The following RBFOX1 variants were observed in gnomAD, a reference collection of about 807,000 sequenced individuals.
RBFOX1 encodes the protein RNA binding protein fox-1 homolog 1.
A neutral mutation model predicts 57.7 loss-of-function variants in RBFOX1; 8 were observed. The ratio of observed to expected loss-of-function variants is 0.14; its 90% CI spans 0.08 to 0.25. The LOEUF is 0.25. RBFOX1 is among the 10% of genes least tolerant of loss of function. The pLI, the probability that RBFOX1 is intolerant of heterozygous loss-of-function variation, is 1.00. For synonymous variants in RBFOX1, 326 were observed against 222.4 expected (o/e 1.47, Z -4.15); for missense variants, 611 against 548.5 (o/e 1.11, Z -1.14).
chr16:7,324,523 C>A (rs1169843736), intron 4 of RBFOX1, among the ~76,000 whole-genome samples: 1 of 152,178 alleles, frequency 6.6e-6, no homozygotes, highest in Non-Finnish European at 1.5e-5. Context: ...GTCATTCATC[C>A]CCAGACAGGT....
At chr16:7,347,624 C>T (rs907411754) in intron 4 of RBFOX1, among the ~76,000 whole-genome samples, 11 of 152,136 alleles carry the variant, frequency 7.2e-5, no homozygotes, top group African/African-American at 1.4e-4. Flanking sequence ...GATTGAAAAA[C>T]CCCACTCTAG....
intron 3 of RBFOX1, among the ~76,000 whole-genome samples, chr16:6,842,152 TAAAAAATA>T (rs1410096382): frequency 1.0e-4 from 13 of 129,082 alleles, no homozygotes; most frequent in African/African-American, 2.7e-4. Flanking sequence ...GAAAAAAAAA[TAAAAAATA>T]AATAAATAAA....
intron 3 of RBFOX1, among the ~76,000 whole-genome samples, chr16:5,813,268 AC>A (rs1219852682): frequency 6.6e-6 from 1 of 152,064 alleles, no homozygotes; most frequent in African/African-American, 2.4e-5. Flanking sequence ...GGCCTCCCAA[AC>A]CTTTAACCAT....
At chr16:7,170,939 T>C (rs374355494) in intron 4 of RBFOX1, among the ~76,000 whole-genome samples, 1 of 152,232 alleles carries the variant, frequency 6.6e-6, no homozygotes, top group East Asian at 1.9e-4. Flanking sequence ...TTTATGACTT[T>C]ATTTGTATAT....
At chr16:6,754,552 T>C (rs1364082875) in intron 3 of RBFOX1, among the ~76,000 whole-genome samples, 2 of 152,156 alleles carry the variant, frequency 1.3e-5, no homozygotes, top group Admixed American at 6.6e-5. Context: ...AATTCCCACA[T>C]AGAATTTCTC....
intron 4 of RBFOX1, among the ~76,000 whole-genome samples, chr16:7,203,666 T>A (rs555287701): frequency 2.0e-5 from 3 of 152,348 alleles, no homozygotes; most frequent in Admixed American, 2.0e-4. Context: ...AGGGTCCCTC[T>A]ATGTGTGAGC....
At chr16:6,859,153 GTATA>G (rs549747996) in intron 3 of RBFOX1, among the ~76,000 whole-genome samples, 1 of 81,454 alleles carries the variant, frequency 1.2e-5, no homozygotes, top group South Asian at 4.1e-4. Context: ...ATATATATAT[GTATA>G]TATATACGTA....
intron 2 of RBFOX1, among the ~76,000 whole-genome samples, chr16:6,560,265 A>C (rs1027598085): frequency 6.6e-6 from 1 of 152,078 alleles, no homozygotes; most frequent in African/African-American, 2.4e-5. Context: ...ATGCCTGAGC[A>C]AATTGTGTTA....
intron 3 of RBFOX1, among the ~76,000 whole-genome samples, chr16:6,923,149 T>G (rs1389084622): frequency 6.6e-6 from 1 of 152,120 alleles, no homozygotes; most frequent in Non-Finnish European, 1.5e-5. Flanking sequence ...GCTGGTCCAG[T>G]GTGAGTCTGA....
intron 4 of RBFOX1, among the ~76,000 whole-genome samples, chr16:5,930,202 A>AATGGATGGATGGATGG (rs56153541): frequency 8.9e-6 from 1 of 112,090 alleles, no homozygotes; most frequent in African/African-American, 3.5e-5. Context: ...AAGAAAGAAG[A>AATGGATGGATGGATGG]ATGGATGGAT....
chr16:7,325,772 C>T lies in RBFOX1; in HGVS notation c.28-192375C>T, dbSNP rs114312395. 6.5e-3 allele frequency among the ~76,000 whole-genome samples: 986 copies of T among 152,232 alleles called. 10 individuals are homozygous for T. In the Middle Eastern group the frequency reaches 0.071, roughly 11 times the overall value. ...GTGACTTGGGTGTCACATTGACAAC[C>T]CTTTTGTAGCCATCCTCTCCTTCAC... On this transcript the variant is annotated intron_variant, in intron 4 of 15. Coordinates refer to ENST00000550418, the MANE Select transcript of RBFOX1 (RefSeq NM_018723.4).
In RBFOX1 at chr16:5,947,165, G is replaced by A. The variant is rs754316430; in HGVS notation, c.351+79830G>A. On this transcript the variant is annotated intron_variant, in intron 4 of 19. Coordinates refer to the RBFOX1 transcript ENST00000641259. This position sits in a 1 kb window ranked among gnomAD's most constrained non-coding sequence, Gnocchi z 7.2. Reference sequence around the variant, plus strand: ...CAGGAGGTTGAGGTTGCAGCGAGCCGTGATTCTGCCACTGCTCTCCAGCCT... The same window carrying A: ...CAGGAGGTTGAGGTTGCAGCGAGCCATGATTCTGCCACTGCTCTCCAGCCT... Among the ~76,000 whole-genome samples, 31 of 152,132 alleles carry A rather than the reference G, an allele frequency of 2.0e-4. No individual in the cohort carries two copies. Among genetic ancestry groups the A allele is most frequent in the South Asian group, 2.1e-4 (1 of 4,826 alleles).
At chr16:6,487,739 AT>A (rs1567405769) in intron 2 of RBFOX1, among the ~76,000 whole-genome samples, 6 of 74,920 alleles carry the variant, frequency 8.0e-5, no homozygotes, top group African/African-American at 2.1e-4. Context: ...ATATATATAT[AT>A]ATATATATAT....
intron 1 of RBFOX1, among the ~76,000 whole-genome samples, chr16:5,349,058 C>G (rs1450656259): frequency 2.0e-5 from 3 of 152,192 alleles, no homozygotes; most frequent in African/African-American, 4.8e-5. Context: ...GCTCCAATTT[C>G]TCCACATGCT....
intron 1 of RBFOX1, among the ~76,000 whole-genome samples, chr16:6,214,071 A>G (rs562734029): frequency 5.1e-4 from 78 of 152,104 alleles, no homozygotes; most frequent in Non-Finnish European, 8.7e-4. Context: ...ATACTCAAAT[A>G]AGTGTTTCTT....
chr16:5,712,215 A>G (rs1461729249), intron 3 of RBFOX1, among the ~76,000 whole-genome samples: 1 of 152,226 alleles, frequency 6.6e-6, no homozygotes, highest in Non-Finnish European at 1.5e-5. Context: ...TCAACACCTC[A>G]ACACCTGGGG....
chr16:5,929,758 C>G (rs540972034), intron 4 of RBFOX1, among the ~76,000 whole-genome samples: 1 of 152,018 alleles, frequency 6.6e-6, no homozygotes, highest in Admixed American at 6.6e-5. Flanking sequence ...ACATGCATAC[C>G]TAGTCACTTG....
At chr16:6,411,509 TA>T (rs1418472205) in intron 2 of RBFOX1, among the ~76,000 whole-genome samples, 1 of 152,242 alleles carries the variant, frequency 6.6e-6, no homozygotes, top group African/African-American at 2.4e-5. Context: ...TTGAACTTCA[TA>T]AATATTAAAA....
intron 4 of RBFOX1, among the ~76,000 whole-genome samples, chr16:7,447,449 A>AAG (rs1218347757): frequency 2.6e-5 from 4 of 151,364 alleles, no homozygotes; most frequent in Non-Finnish European, 5.9e-5. Context: ...AAAAAAAAAA[A>AAG]AGAGAGATTC....
Sources: gnomAD v4.1 joint callset for allele counts (sites outside exome capture counted in the v4.1 genomes callset) on GRCh38, gnomAD v4.1.1 for gene constraint, Gnocchi (gnomAD v3.1) non-coding constraint, MANE v1.5 for transcripts, NCBI Gene and HGNC (gene_info 2026-07-23, HGNC 2026-07-21) for gene names.